Variants in RYR3 observed in about 807,000 individuals in gnomAD.
RYR3 encodes the protein brain ryanodine receptor-calcium release channel.
A neutral mutation model predicts 584.3 loss-of-function variants in RYR3; 207 were observed. The ratio of observed to expected loss-of-function variants is 0.35; its 90% CI spans 0.32 to 0.40. The LOEUF (loss-of-function observed/expected upper bound fraction) is 0.40, where lower values mean the gene tolerates loss of function less well. Among genes scored for constraint, RYR3 ranks in the 10% least tolerant of loss-of-function variants. The probability of loss-of-function intolerance (pLI) is 1.00; values close to 1 mark genes in which losing one functional copy is unlikely to be tolerated. For missense variants in RYR3, 5,616 were observed against 6,089.2 expected (o/e 0.92, Z 2.59); for synonymous variants, 2,416 against 2,248.5 (o/e 1.07, Z -2.11).
intron 48 of RYR3, among the ~76,000 whole-genome samples, chr15:33,733,889 C>T (rs557907609): frequency 1.3e-5 from 2 of 152,270 alleles, no homozygotes; most frequent in Non-Finnish European, 1.5e-5. Context: ...GAACCGAAAA[C>T]TGCTCTGAAA....
chr15:33,321,372 G>T (rs556859326), intron 1 of RYR3, among the ~76,000 whole-genome samples: 1 of 152,284 alleles, frequency 6.6e-6, no homozygotes, highest in African/African-American at 2.4e-5. Context: ...TCCTGCTGGG[G>T]CAGTTGTCCA....
intron 1 of RYR3, among the ~76,000 whole-genome samples, chr15:33,437,608 C>T (rs912725899): frequency 1.3e-5 from 2 of 152,198 alleles, no homozygotes; most frequent in South Asian, 2.1e-4. Context: ...CAAGGAAGAA[C>T]GGAGTTGGGA....
intron 3 of RYR3, among the ~76,000 whole-genome samples, chr15:33,518,122 T>A (rs1341612489): frequency 6.6e-6 from 1 of 152,212 alleles, no homozygotes; most frequent in Non-Finnish European, 1.5e-5. Context: ...AGTCAGTTAA[T>A]CTGTCTGTTT....
chr15:33,749,878 T>C, intron 55 of RYR3, 101 bp from the exon 56 acceptor site: 1 of 895,744 alleles, frequency 1.1e-6, no homozygotes, highest in Non-Finnish European at 1.8e-6. Context: ...TAGTGTTCAG[T>C]GGTGTGCTTT....
chr15:33,702,382 C>T (rs964170464), intron 42 of RYR3, among the ~76,000 whole-genome samples: 3 of 152,130 alleles, frequency 2.0e-5, no homozygotes, highest in Non-Finnish European at 4.4e-5. Context: ...TAATCAAAGC[C>T]CAAGACTGTG....
chr15:33,409,448 C>T (rs2043250855), intron 1 of RYR3, among the ~76,000 whole-genome samples: 3 of 152,094 alleles, frequency 2.0e-5, no homozygotes, highest in Admixed American at 2.0e-4. Flanking sequence ...GTCCCGTGAA[C>T]TCTGGCTGTC....
chr15:33,491,470 G>A (rs1449776294), intron 2 of RYR3, among the ~76,000 whole-genome samples: 4 of 152,168 alleles, frequency 2.6e-5, no homozygotes, highest in Admixed American at 2.0e-4. Flanking sequence ...TGCTTAGGTC[G>A]CTGTGAGCAA....
intron 60 of RYR3, among the ~76,000 whole-genome samples, chr15:33,764,335 C>G (rs1260122448): frequency 6.6e-6 from 1 of 152,052 alleles, no homozygotes; most frequent in Non-Finnish European, 1.5e-5. Context: ...GAACAGAAAA[C>G]CAAGTACCAC....
intron 60 of RYR3, among the ~76,000 whole-genome samples, chr15:33,759,456 C>A (rs533685887): frequency 7.9e-5 from 12 of 152,240 alleles, no homozygotes; most frequent in African/African-American, 2.6e-4. Flanking sequence ...ACATAAATGA[C>A]CTGATGGAGC....
In RYR3 at chr15:33,706,990, C is replaced by T. The variant is rs886361844; in HGVS notation, c.6555C>T (p.Val2185=). The change falls in exon 43 of 104, where the codon GTC becomes GTT. Residue 2185 remains valine, a synonymous_variant. Coordinates refer to ENST00000634891, the MANE Select transcript of RYR3 (RefSeq NM_001036.6). ...TTCTGGCCAAAGGATACCCTGATGT[C>T]GGCTGGAACCCCATTGAAGGGGAAC... ...PMLLAKGYPD[V]GWNPIEGERY... 5 of 1,613,612 alleles carry T rather than the reference C, an allele frequency of 3.1e-6. No homozygotes were observed. Among genetic ancestry groups the T allele is most frequent in the Non-Finnish European group, 4.2e-6 (5 of 1,179,878 alleles).
intron 87 of RYR3, among the ~76,000 whole-genome samples, 173 bp from the exon 88 acceptor site, chr15:33,836,733 G>A (rs1171998842): frequency 2.6e-5 from 4 of 152,184 alleles, no homozygotes; most frequent in East Asian, 3.8e-4. Context: ...TGAGTCTCCC[G>A]GTGCTGCAAA....
intron 83 of RYR3, 137 bp from the exon 84 acceptor site, chr15:33,826,535 T>C: frequency 1.2e-6 from 1 of 840,898 alleles, no homozygotes; most frequent in South Asian, 1.4e-5. Flanking sequence ...TTAATTGGGC[T>C]TTTCACCATT....
At chr15:33,548,080 TGCTGATCAGTGTCATGCAAGTAGGA>T (rs1180631948) in intron 8 of RYR3, 25 bp from the exon 9 acceptor site, 6 of 1,338,024 alleles carry the variant, frequency 4.5e-6, no homozygotes, top group Admixed American at 3.6e-5. Context: ...TTCACCCGGG[TGCTGATCAGTGTCATGCAAGTAGGA>T]GCTGATCTCC....
chr15:33,529,675 A>C (rs2054687572), intron 3 of RYR3, among the ~76,000 whole-genome samples: 1 of 152,220 alleles, frequency 6.6e-6, no homozygotes, highest in South Asian at 2.1e-4. Context: ...GTGTGTGATC[A>C]AAAACTTGAT....
chr15:33,749,755 C>A (rs2071097902), intron 55 of RYR3, among the ~76,000 whole-genome samples: 2 of 152,104 alleles, frequency 1.3e-5, no homozygotes, highest in South Asian at 2.1e-4. Flanking sequence ...TAATAAGTTA[C>A]AAGGGAAGGA....
chr15:33,537,832 A>T (rs770315524), intron 5 of RYR3, among the ~76,000 whole-genome samples: 8 of 152,088 alleles, frequency 5.3e-5, no homozygotes, highest in Non-Finnish European at 7.3e-5. Context: ...GCTTTGAAAA[A>T]ACTTTAATAG....
intron 34 of RYR3, among the ~76,000 whole-genome samples, chr15:33,661,422 G>A (rs1366919956): frequency 6.6e-6 from 1 of 152,178 alleles, no homozygotes; most frequent in Non-Finnish European, 1.5e-5. Flanking sequence ...TCAGGTCGTT[G>A]GAGGAACACC....
rs1034957707 is a variant in RYR3, at chr15:33,623,756, C to A, written c.2358-51C>A. 9 of 1,301,182 alleles carry A rather than the reference C, an allele frequency of 6.9e-6. No homozygotes were observed. The African/African-American group carries it at 1.2e-4, about 18-fold the overall frequency. 80.6% of individuals were successfully genotyped at this position (1,301,182 alleles called of 1,614,324 possible). A position where few individuals can be genotyped will look rare whatever the true frequency, so the allele number is the denominator to read the frequency against. Reference sequence around the variant, plus strand: ...GATCTTTAATTTTCACTTATTTGGGCTGCATTGTTTTTTTTTTAACCTCTG... The same window carrying A: ...GATCTTTAATTTTCACTTATTTGGGATGCATTGTTTTTTTTTTAACCTCTG... On this transcript the variant is annotated intron_variant, in intron 19 of 103. Transcript: ENST00000634891.
chr15:33,840,925 G>A, intron 90 of RYR3, 42 bp downstream of exon 90: 1 of 1,592,228 alleles, frequency 6.3e-7, no homozygotes, highest in Non-Finnish European at 8.6e-7. Flanking sequence ...TGCTATGGTA[G>A]ATAATTCTTA....
Sources: allele counts gnomAD v4.1 joint callset (sites outside exome capture counted in the v4.1 genomes callset), GRCh38; gene constraint gnomAD v4.1.1; transcripts MANE v1.5; gene names NCBI Gene and HGNC (gene_info 2026-07-23, HGNC 2026-07-21).